ATP1A2: variants seen among roughly 807,000 people sequenced by gnomAD.
ATP1A2 encodes the protein ATPase Na+/K+ transporting subunit alpha 2, also known as sodium/potassium-transporting ATPase subunit alpha-2.
ATP1A2 carries 56 observed loss-of-function variants against 113.1 expected under a neutral mutation model. That is an observed-to-expected ratio of 0.49 (90% confidence interval 0.40 to 0.62). The LOEUF (loss-of-function observed/expected upper bound fraction) is 0.62. ATP1A2 is among the 20% of genes least tolerant of loss of function. The pLI is 0.00. For synonymous variants in ATP1A2, 490 were observed against 526.8 expected, an observed-to-expected ratio of 0.93 and a Z score of 0.96; for missense variants, 712 against 1,357.8, an observed-to-expected ratio of 0.52 and a Z score of 7.47.
rs774637611 is a variant in ATP1A2, at chr1:160,135,590, G to A, written c.2272G>A (p.Gly758Arg). 6.2e-7 allele frequency: 1 copy of A among 1,614,002 alleles called. No individual in the cohort carries two copies. Among genetic ancestry groups the A allele is most frequent in the Non-Finnish European group, 8.5e-7 (1 of 1,180,024 alleles). ...TGACAACTTTGCCTCCATCGTCACG[G>A]GGGTGGAGGAGGGTGAGGAGGCTGC... ...LDDNFASIVT[G>R]VEEGRLIFDN... is the part of the protein sequence containing the mutation. Residue 758 changes from glycine (G) to arginine (R), a missense_variant, in exon 16 of 23, where the codon GGG (glycine) becomes AGG (arginine). Gly to Arg is a moderately radical substitution (Grantham distance 125, BLOSUM62 -2). Transcript: ENST00000361216. The surrounding 1 kb of genome is among the most constrained non-coding windows in gnomAD (Gnocchi z 6.3).
At chr1:160,141,230 G>A in intron 22 of ATP1A2, 64 bp from the exon 23 acceptor site, 2 of 1,604,798 alleles carry the variant, frequency 1.2e-6, no homozygotes, top group Non-Finnish European at 1.7e-6. Context: ...AAGCCCCTAG[G>A]AAATTGATCT....
chr1:160,118,959 C>T (rs1355814018), intron 1 of ATP1A2, among the ~76,000 whole-genome samples: 8 of 151,930 alleles, frequency 5.3e-5, no homozygotes, highest in African/African-American at 1.9e-4. Context: ...ACCACAATGG[C>T]GGATACACGT....
chr1:160,137,045 C>T lies in ATP1A2; in HGVS notation c.2840+14C>T, dbSNP rs750683078. ...GCAGGGCATGAAGTGAGTGCCCACC[C>T]CCATGGCACCTACCCACCCAGGCTC... On this transcript the variant is annotated intron_variant, in intron 20 of 22. Transcript: ENST00000361216. 1 of 1,613,898 alleles carries T rather than the reference C, an allele frequency of 6.2e-7. No homozygotes were observed. Among genetic ancestry groups the T allele is most frequent in the Admixed American group, 1.7e-5 (1 of 60,000 alleles).
rs1241441847 is a variant in ATP1A2, at chr1:160,134,630, C to T, written c.1964+10C>T. On this transcript the variant is annotated intron_variant, in intron 14 of 22. Transcript: ENST00000361216. The stretch of plus-strand genomic sequence containing the variant: ...GTCAAGTCAACCCCAGGTGAGGCCT[C>T]TGCAGGAAGCCCCTGTGCCCTAATC... 2 of 1,614,206 alleles carry T rather than the reference C, an allele frequency of 1.2e-6. No homozygotes were observed. The highest frequency in any genetic ancestry group is 3.3e-5 in the Admixed American group (2 of 60,022).
intron 13 of ATP1A2, among the ~76,000 whole-genome samples, chr1:160,133,443 A>T (rs1651828398): frequency 6.6e-6 from 1 of 151,728 alleles, no homozygotes; most frequent in Middle Eastern, 3.4e-3. Context: ...TCCTAACCCA[A>T]CTCTGCTCAC....
chr1:160,139,780 G>A (rs1205952876), intron 21 of ATP1A2, 39 bp downstream of exon 21: 2 of 1,612,970 alleles, frequency 1.2e-6, no homozygotes, highest in African/African-American at 2.7e-5. Context: ...AGTCATACGG[G>A]GGGCCTTCAG....
intron 7 of ATP1A2, among the ~76,000 whole-genome samples, chr1:160,126,778 C>T (rs1026528901): frequency 3.3e-5 from 5 of 152,112 alleles, no homozygotes; most frequent in African/African-American, 4.8e-5. Flanking sequence ...GCCAAATTTC[C>T]TAAATTTTTA....
In ATP1A2 at chr1:160,115,800, G is replaced by A. The variant is rs1651154017; in HGVS notation, c.-62G>A. On this transcript the variant is annotated 5_prime_UTR_variant, in exon 1 of 23. The change creates a new upstream start codon in the 5' untranslated region. Transcript: ENST00000361216. Reference sequence around the variant, plus strand: ...CTCCGACTGTCCCAGACGGGCTGGTGTGGGCTTGGGATCCTCCTGGTGACC... The same window carrying A: ...CTCCGACTGTCCCAGACGGGCTGGTATGGGCTTGGGATCCTCCTGGTGACC... 1.9e-6 allele frequency: 3 copies of A among 1,567,332 alleles called. No individual in the cohort carries two copies. In the South Asian group the frequency reaches 3.5e-5, roughly 18 times the overall value.
At chr1:160,141,234 T>C in intron 22 of ATP1A2, 60 bp from the exon 23 acceptor site, 2 of 1,607,172 alleles carry the variant, frequency 1.2e-6, no homozygotes, top group Non-Finnish European at 1.7e-6. Flanking sequence ...CCCTAGGAAA[T>C]TGATCTCTTG....
Position 160,123,384 on chromosome 1 carries a change from G to A in ATP1A2, c.349G>A (p.Ala117Thr), listed in dbSNP as rs1651481117. The A allele has an allele frequency of 6.2e-7, 1 of 1,614,146 alleles. No individual in the cohort carries two copies. The highest frequency in any genetic ancestry group is 2.2e-5 in the East Asian group (1 of 44,860). ...ILCFLAYGIQ[A>T]AMEDEPSNDN... ...CTGCTTCCTGGCCTACGGCATCCAG[G>A]CTGCCATGGAGGATGAACCATCCAA... is the stretch of plus-strand genomic sequence containing the variant. Residue 117 changes from alanine to threonine, a missense_variant, in exon 4 of 23, where the codon GCT (alanine) becomes ACT (threonine). Coordinates refer to ENST00000361216, the MANE Select transcript of ATP1A2 (RefSeq NM_000702.4).
chr1:160,128,563 G>A (rs775601362), intron 8 of ATP1A2, 89 bp from the exon 9 acceptor site: 26 of 1,593,622 alleles, frequency 1.6e-5, no homozygotes, highest in Middle Eastern at 1.7e-4. Context: ...AGAATCAGGG[G>A]AGGAGGAATG....
At chr1:160,119,827 TAAAAAA>T (rs5778150) in intron 1 of ATP1A2, among the ~76,000 whole-genome samples, 1 of 134,614 alleles carries the variant, frequency 7.4e-6, no homozygotes. Context: ...ACCTTATATC[TAAAAAA>T]AAAAAAAAAA....
intron 7 of ATP1A2, chr1:160,125,618 C>T (rs547080634): frequency 1.8e-5 from 5 of 276,090 alleles, no homozygotes; most frequent in Non-Finnish European, 2.8e-5. Flanking sequence ...TTGATTGATG[C>T]TTCTATTCCT....
At chr1:160,127,473 T>C in intron 7 of ATP1A2, 79 bp from the exon 8 acceptor site, 1 of 1,604,580 alleles carries the variant, frequency 6.2e-7, no homozygotes, top group Admixed American at 1.7e-5. Flanking sequence ...GTGATGATTT[T>C]CCTTGCTCAG....
In ATP1A2 at chr1:160,134,610, G is replaced by A. The variant is rs746631997; in HGVS notation, c.1954G>A (p.Val652Ile). 6.2e-7 allele frequency: 1 copy of A among 1,614,208 alleles called. No homozygotes were observed. Among genetic ancestry groups the A allele is most frequent in the Non-Finnish European group, 8.5e-7 (1 of 1,180,030 alleles). The change falls in exon 14 of 23, where the codon GTC becomes ATC. Residue 652 changes from valine to isoleucine, a missense_variant. Transcript: ENST00000361216. ...AARLNIPMSQ[V>I]NPREAKACVV... ...CCGGCTCAACATTCCCATGAGTCAA[G>A]TCAACCCCAGGTGAGGCCTCTGCAG...
At chr1:160,131,860 A>C (rs1010763728) in intron 13 of ATP1A2, among the ~76,000 whole-genome samples, 1 of 151,728 alleles carries the variant, frequency 6.6e-6, no homozygotes, top group Admixed American at 6.6e-5. Flanking sequence ...AAACAAATGG[A>C]AACTGCAAGT....
chr1:160,128,717 G>T lies in ATP1A2; in HGVS notation c.1083G>T (p.Ala361=). The change falls in exon 9 of 23, where the codon GCG becomes GCT. Residue 361 remains alanine (A), a synonymous_variant. Coordinates refer to ENST00000361216, the MANE Select transcript of ATP1A2 (RefSeq NM_000702.4). ...RKNCLVKNLE[A]VETLGSTSTI... Reference sequence around the variant, plus strand: ...ACTGCCTGGTGAAGAACCTGGAGGCGGTGGAGACGCTGGGCTCCACGTCCA... The same window carrying T: ...ACTGCCTGGTGAAGAACCTGGAGGCTGTGGAGACGCTGGGCTCCACGTCCA... The T allele has an allele frequency of 6.2e-7, 1 of 1,614,132 alleles. No homozygotes were observed. The highest frequency in any genetic ancestry group is 1.1e-5 in the South Asian group (1 of 91,072).
At chr1:160,136,513 G>T (rs113577744) in intron 18 of ATP1A2, 57 bp from the exon 19 acceptor site, 26 of 1,613,468 alleles carry the variant, frequency 1.6e-5, no homozygotes, top group African/African-American at 9.3e-5. Flanking sequence ...CTGAGGGGCT[G>T]TGCCCCTTCT....
intron 1 of ATP1A2, 21 bp from the exon 2 acceptor site, chr1:160,120,885 G>A (rs771256423): frequency 3.4e-5 from 51 of 1,484,546 alleles, no homozygotes; most frequent in Middle Eastern, 3.5e-4. Context: ...CTGACTCTCT[G>A]GCTCTCCCTT....
Sources: gnomAD v4.1 joint callset for allele counts (sites outside exome capture counted in the v4.1 genomes callset) on GRCh38, gnomAD v4.1.1 for gene constraint, Gnocchi (gnomAD v3.1) non-coding constraint, MANE v1.5 for transcripts, NCBI Gene and HGNC (gene_info 2026-07-23, HGNC 2026-07-21) for gene names.